SNX29: variants seen among roughly 807,000 people sequenced by gnomAD.
SNX29 encodes sorting nexin 29.
Under a neutral mutation model 102.1 loss-of-function variants are expected in SNX29, and 78 were observed. The observed-to-expected ratio is 0.76, with a 90% CI of 0.64 to 0.92. The LOEUF is 0.92. Among genes scored for constraint, SNX29 ranks in the 40% least tolerant of loss-of-function variants. The pLI, the probability that SNX29 is intolerant of heterozygous loss-of-function variation, is 0.00. For missense variants in SNX29, 1,280 were observed against 1,061.7 expected, an observed-to-expected ratio of 1.21 and a Z score of -2.86; for synonymous variants, 580 against 414.5, an observed-to-expected ratio of 1.40 and a Z score of -4.85.
At position 12,199,581 on chromosome 16, in the gene SNX29, T is replaced by A. The variant is rs1567303765; in HGVS notation, c.1596-20T>A. ...GTCACTTTTTAAATATATATTTTTT[T>A]AACATTCTTGTACCTGCAGAGAGAA... On this transcript the variant is annotated intron_variant, in intron 13 of 20. Transcript: ENST00000566228. 2 of 1,595,748 alleles carry A rather than the reference T, an allele frequency of 1.3e-6. No homozygotes were observed. Among genetic ancestry groups the A allele is most frequent in the Non-Finnish European group, 1.7e-6 (2 of 1,170,542 alleles).
intron 9 of SNX29, among the ~76,000 whole-genome samples, chr16:12,062,423 T>A (rs968596535): frequency 2.7e-5 from 3 of 109,592 alleles, no homozygotes; most frequent in African/African-American, 1.0e-4. Context: ...TAAATAAATA[T>A]GTCTCTGGTA....
chr16:12,545,632 T>G (rs2077561513), intron 20 of SNX29: 2 of 152,142 alleles, frequency 1.3e-5, no homozygotes, highest in Admixed American at 6.5e-5. Flanking sequence ...GCTCTTTTCT[T>G]CTGTTCTGAG....
intron 16 of SNX29, among the ~76,000 whole-genome samples, chr16:12,390,911 C>G (rs1206014200): frequency 6.6e-6 from 1 of 151,536 alleles, no homozygotes; most frequent in African/African-American, 2.4e-5. Context: ...GAAAAAAACA[C>G]TTACTTAGAA....
chr16:12,428,239 T>G lies in SNX29; in HGVS notation c.2037+24710T>G, dbSNP rs1284092819. ...CTTTAAGCTGCATTTGGACTGCAAA[T>G]AAGTTTAGTATAAAATGTAATTATT... is the stretch of plus-strand genomic sequence containing the variant. On this transcript the variant is annotated intron_variant, in intron 18 of 20. Coordinates refer to ENST00000566228, the MANE Select transcript of SNX29 (RefSeq NM_032167.5). 4.6e-5 allele frequency among the ~76,000 whole-genome samples: 7 copies of G among 152,294 alleles called. No individual in the cohort carries two copies. In the East Asian group the frequency reaches 1.4e-3, roughly 29 times the overall value.
At chr16:12,366,226 G>T (rs1299098641) in intron 16 of SNX29, among the ~76,000 whole-genome samples, 3 of 152,112 alleles carry the variant, frequency 2.0e-5, no homozygotes, top group Admixed American at 6.5e-5. Flanking sequence ...GGTCACACAC[G>T]GGGGTGCTCC....
intron 15 of SNX29, among the ~76,000 whole-genome samples, chr16:12,319,589 G>A (rs1231580323): frequency 6.6e-6 from 1 of 152,212 alleles, no homozygotes; most frequent in African/African-American, 2.4e-5. Context: ...GAGCCAGACT[G>A]TTGATCTGTG....
intron 19 of SNX29, among the ~76,000 whole-genome samples, chr16:12,511,921 G>C (rs959589218): frequency 5.9e-5 from 9 of 152,088 alleles, no homozygotes; most frequent in Admixed American, 4.6e-4. Flanking sequence ...GGGCAGGGCA[G>C]AGGAAGTGGT....
At chr16:12,436,489 T>C (rs1434685125) in intron 18 of SNX29, among the ~76,000 whole-genome samples, 1 of 152,214 alleles carries the variant, frequency 6.6e-6, no homozygotes, top group African/African-American at 2.4e-5. Flanking sequence ...TTTCAGGAAA[T>C]CGCCTTTGTT....
At chr16:12,174,277 A>C (rs373068412) in intron 13 of SNX29, among the ~76,000 whole-genome samples, 2 of 152,204 alleles carry the variant, frequency 1.3e-5, no homozygotes, top group East Asian at 3.8e-4. Context: ...AGCTGTAGGA[A>C]TTATGATGTG....
chr16:12,376,782 C>A (rs941457524), intron 16 of SNX29, among the ~76,000 whole-genome samples: 4 of 147,080 alleles, frequency 2.7e-5, no homozygotes, highest in African/African-American at 9.9e-5. Context: ...GCAGGAGTTT[C>A]TGCAGACTGA....
chr16:12,476,406 A>G lies in SNX29; in HGVS notation c.2038-1313A>G, dbSNP rs1175995481. 8.2e-3 allele frequency among the ~76,000 whole-genome samples: 187 copies of G among 22,934 alleles called. 5 individuals carry two copies. The highest frequency in any genetic ancestry group is 9.8e-3 in the Non-Finnish European group (159 of 16,276). The allele number at this position is 22,934 out of a possible 152,430, so 15.0% of individuals were successfully genotyped here. ...AAAATATATATATATATATATATATATATATACATATATATATATATATAT... is the reference window on the plus strand; with the variant it reads ...AAAATATATATATATATATATATATGTATATACATATATATATATATATAT... On this transcript the variant is annotated intron_variant, in intron 18 of 20. Coordinates refer to ENST00000566228, the MANE Select transcript of SNX29 (RefSeq NM_032167.5).
chr16:12,194,341 G>T (rs1042170525), intron 13 of SNX29, among the ~76,000 whole-genome samples: 2 of 152,172 alleles, frequency 1.3e-5, no homozygotes, highest in African/African-American at 4.8e-5. Flanking sequence ...CCTGTGTTCT[G>T]TGACCTTGAA....
At position 12,552,984 on chromosome 16, in the gene SNX29, GTC is replaced by G. The variant is rs2078081458; in HGVS notation, c.2319-15520_2319-15519del. On this transcript the variant is annotated intron_variant, in intron 20 of 20. Coordinates refer to ENST00000566228, the MANE Select transcript of SNX29 (RefSeq NM_032167.5). ...GATTGTATTGAGTGCAGCAGGCACT[GTC>G]TGAGGGGCTGAAATCAGGAGAGTGG... Among the ~76,000 whole-genome samples, 3 of 152,220 alleles carry G rather than the reference GTC, an allele frequency of 2.0e-5. No homozygotes were observed. The South Asian group carries it at 6.2e-4, about 31-fold the overall frequency.
chr16:12,069,488 C>T (rs570855405), intron 10 of SNX29, among the ~76,000 whole-genome samples: 111 of 152,118 alleles, frequency 7.3e-4, no homozygotes, highest in African/African-American at 2.6e-3. Context: ...GGCTGGTCTC[C>T]AACTCCTGAC....
intron 18 of SNX29, among the ~76,000 whole-genome samples, chr16:12,459,327 A>G (rs2086678218): frequency 6.6e-6 from 1 of 151,738 alleles, no homozygotes; most frequent in Admixed American, 6.6e-5. Context: ...CCTGTCATAC[A>G]GGCTCCTGAT....
chr16:11,987,966 A>G (rs1354615413), intron 1 of SNX29, among the ~76,000 whole-genome samples: 2 of 152,210 alleles, frequency 1.3e-5, no homozygotes, highest in Non-Finnish European at 2.9e-5. Context: ...TTGATTTATC[A>G]TAGCTTTACC....
intron 18 of SNX29, among the ~76,000 whole-genome samples, chr16:12,423,247 G>A (rs138135830): frequency 9.9e-5 from 15 of 152,074 alleles, no homozygotes; most frequent in South Asian, 8.3e-4. Context: ...CCATGCCGCA[G>A]GCCCTGGGAA....
intron 3 of SNX29, among the ~76,000 whole-genome samples, chr16:12,018,550 T>C (rs2056918553): frequency 6.6e-6 from 1 of 151,568 alleles, no homozygotes; most frequent in Admixed American, 6.6e-5. Context: ...GTCACTGCAC[T>C]TCAGCCTGGG....
intron 16 of SNX29, among the ~76,000 whole-genome samples, chr16:12,390,960 T>G (rs571712429): frequency 6.6e-6 from 1 of 152,266 alleles, no homozygotes; most frequent in South Asian, 2.1e-4. Context: ...TTATTTATTG[T>G]TTCGAGATGG....
Sources: allele counts gnomAD v4.1 joint callset (sites outside exome capture counted in the v4.1 genomes callset), GRCh38; gene constraint gnomAD v4.1.1; transcripts MANE v1.5; gene names NCBI Gene and HGNC (gene_info 2026-07-23, HGNC 2026-07-21).